Variants in HIVEP3 observed in about 807,000 individuals in gnomAD.
HIVEP3 encodes transcription factor HIVEP3.
HIVEP3 carries 49 observed loss-of-function variants against 152.8 expected under a neutral mutation model. That is an observed-to-expected ratio of 0.32 (90% CI 0.26 to 0.41). The LOEUF (loss-of-function observed/expected upper bound fraction) is 0.41, where lower values mean the gene tolerates loss of function less well. Among genes scored for constraint, HIVEP3 ranks in the 10% least tolerant of loss-of-function variants. The pLI, the probability that HIVEP3 is intolerant of heterozygous loss-of-function variation, is 1.00. For synonymous variants in HIVEP3, 1,269 were observed against 1,289.0 expected (o/e 0.98, Z 0.33); for missense variants, 2,790 against 3,103.3 (o/e 0.90, Z 2.40).
chr1:41,864,349 T>C (rs144876051), intron 1 of HIVEP3, among the ~76,000 whole-genome samples: 274 of 152,270 alleles, frequency 1.8e-3, no homozygotes, highest in African/African-American at 6.4e-3. Flanking sequence ...CTATGTCTTA[T>C]GGATAAGAAA....
At chr1:41,668,110 A>G (rs532350653) in intron 2 of HIVEP3, among the ~76,000 whole-genome samples, 1 of 152,300 alleles carries the variant, frequency 6.6e-6, no homozygotes, top group East Asian at 1.9e-4. Flanking sequence ...CATCCAACTG[A>G]TTGATATAAT....
At chr1:41,958,144 A>C (rs891974244) in intron 1 of HIVEP3, among the ~76,000 whole-genome samples, 5 of 152,222 alleles carry the variant, frequency 3.3e-5, no homozygotes, top group Non-Finnish European at 7.3e-5. Context: ...AGTGGCACCC[A>C]GGGCAAGAAA....
At chr1:41,883,442 G>A (rs961602456) in intron 1 of HIVEP3, among the ~76,000 whole-genome samples, 1 of 152,162 alleles carries the variant, frequency 6.6e-6, no homozygotes, top group African/African-American at 2.4e-5. Context: ...GACAGCTAAT[G>A]CCCACTGACC....
chr1:41,704,259 G>A (rs975306027), intron 1 of HIVEP3, among the ~76,000 whole-genome samples: 1 of 152,186 alleles, frequency 6.6e-6, no homozygotes, highest in South Asian at 2.1e-4. Context: ...GGGATTTGGG[G>A]GCCTTCACCA....
At chr1:41,675,494 C>T (rs1198047928) in intron 2 of HIVEP3, among the ~76,000 whole-genome samples, 1 of 152,248 alleles carries the variant, frequency 6.6e-6, no homozygotes, top group Non-Finnish European at 1.5e-5. Context: ...TCTCCAGAGC[C>T]TCTCAAGTAG....
At chr1:41,694,203 G>A (rs901955840) in intron 2 of HIVEP3, among the ~76,000 whole-genome samples, 2 of 151,914 alleles carry the variant, frequency 1.3e-5, no homozygotes, top group African/African-American at 4.8e-5. Context: ...TTCCCTCTAT[G>A]CTTTCTAACT....
chr1:41,850,633 T>C (rs1398626862), intron 1 of HIVEP3, among the ~76,000 whole-genome samples: 1 of 152,200 alleles, frequency 6.6e-6, no homozygotes, highest in Non-Finnish European at 1.5e-5. Flanking sequence ...TGGTCCTCCA[T>C]GCCGAAGCAC....
chr1:41,650,713 T>C (rs944293827), intron 2 of HIVEP3, among the ~76,000 whole-genome samples: 1 of 152,214 alleles, frequency 6.6e-6, no homozygotes. Flanking sequence ...GAAACATTTC[T>C]ACATGTGCAT....
chr1:41,857,998 T>TCTCTCTCTCTCTC (rs1487118288), intron 1 of HIVEP3, among the ~76,000 whole-genome samples: 1 of 152,074 alleles, frequency 6.6e-6, no homozygotes, highest in Non-Finnish European at 1.5e-5. Flanking sequence ...TCTCTCTCTC[T>TCTCTCTCTCTCTC]CTCTCACCAT....
chr1:42,021,029 G>C (rs1030304999), intron 1 of HIVEP3, among the ~76,000 whole-genome samples: 7 of 152,200 alleles, frequency 4.6e-5, no homozygotes, highest in African/African-American at 1.7e-4. Flanking sequence ...AGATTTTGCA[G>C]GGTCCTGGAG....
chr1:41,580,942 G>A lies in HIVEP3; in HGVS notation c.3856C>T (p.Arg1286Trp), dbSNP rs12132697. Residue 1286 changes from arginine (R) to tryptophan (W), a missense_variant, in exon 4 of 9, where the codon CGG becomes TGG. Physicochemically the swap from Arg to Trp is moderately radical, Grantham distance 101. This residue lies in a region of HIVEP3 where 1,078 missense variants were observed against 1,165.3 expected (regional missense o/e 0.93). Coordinates refer to ENST00000372583, the MANE Select transcript of HIVEP3 (RefSeq NM_024503.5). ...SPSTEYSSDIRLPPVAPPASS... is the reference protein window; with the variant it reads ...SPSTEYSSDIWLPPVAPPASS... ...GCTGGGGGAGCCACAGGGGGTAGCC[G>A]GATGTCACTGCTGTACTCTGTGCTG... The A allele has an allele frequency of 2.0e-5, 33 of 1,611,646 alleles. 1 individual carries two copies. The highest frequency in any genetic ancestry group is 1.8e-4 in the South Asian group (16 of 90,508).
chr1:41,665,707 TACACACACAC>T (rs10530354), intron 2 of HIVEP3, among the ~76,000 whole-genome samples: 4 of 127,930 alleles, frequency 3.1e-5, no homozygotes, highest in African/African-American at 6.2e-5. Context: ...GGAAATGTTA[TACACACACAC>T]ACACACACAC....
intron 1 of HIVEP3, among the ~76,000 whole-genome samples, chr1:42,017,297 GT>G (rs1222050390): frequency 1.3e-5 from 2 of 151,950 alleles, no homozygotes; most frequent in Non-Finnish European, 2.9e-5. Flanking sequence ...AAGGATCCAG[GT>G]TTTTTTAAAT....
chr1:41,713,070 G>A (rs1446566983), intron 1 of HIVEP3, among the ~76,000 whole-genome samples: 2 of 152,198 alleles, frequency 1.3e-5, no homozygotes, highest in Non-Finnish European at 2.9e-5. Context: ...ACTGGATGCT[G>A]GGCCATTCTC....
At chr1:41,748,932 C>T (rs765763306) in intron 1 of HIVEP3, among the ~76,000 whole-genome samples, 13 of 152,196 alleles carry the variant, frequency 8.5e-5, no homozygotes, top group Non-Finnish European at 1.6e-4. Flanking sequence ...AGGACCACCA[C>T]TCAGCTGGGC....
chr1:42,011,744 T>C (rs1347844394), intron 1 of HIVEP3, among the ~76,000 whole-genome samples: 3 of 152,230 alleles, frequency 2.0e-5, no homozygotes, highest in African/African-American at 2.4e-5. Flanking sequence ...TAATCTCAAC[T>C]ACGAGCTCCT....
intron 1 of HIVEP3, among the ~76,000 whole-genome samples, chr1:41,729,223 A>G (rs768740049): frequency 2.3e-4 from 35 of 152,228 alleles, no homozygotes; most frequent in Non-Finnish European, 3.5e-4. Context: ...AGGGGTGATC[A>G]GTAACCGGCA....
At chr1:41,833,465 C>A (rs1405993626) in intron 1 of HIVEP3, among the ~76,000 whole-genome samples, 1 of 152,080 alleles carries the variant, frequency 6.6e-6, no homozygotes, top group Non-Finnish European at 1.5e-5. Flanking sequence ...TGTTCCTATC[C>A]TAGAGGCAAG....
chr1:41,744,461 T>A (rs1037608750), intron 1 of HIVEP3, among the ~76,000 whole-genome samples: 3 of 152,240 alleles, frequency 2.0e-5, no homozygotes, highest in Non-Finnish European at 4.4e-5. Context: ...GGTGCCAGTC[T>A]TTGGCCATGA....
Sources: allele counts gnomAD v4.1 joint callset (sites outside exome capture counted in the v4.1 genomes callset), GRCh38; gene constraint gnomAD v4.1.1; regional missense constraint gnomAD v4.1.1; transcripts MANE v1.5; gene names NCBI Gene and HGNC (gene_info 2026-07-23, HGNC 2026-07-21).